The following LEPR variants were observed in gnomAD, a reference collection of about 807,000 sequenced individuals.
LEPR encodes the protein leptin receptor, also known as OB receptor.
LEPR carries 56 observed loss-of-function variants against 114.7 expected under a neutral mutation model. The ratio of observed to expected loss-of-function variants is 0.49; its 90% CI spans 0.39 to 0.61. LEPR has a LOEUF of 0.61. LEPR is among the 20% of genes least tolerant of loss of function. LEPR has a pLI of 0.00. For synonymous variants in LEPR, 443 were observed against 461.4 expected (o/e 0.96, Z 0.51); for missense variants, 1,202 against 1,352.9 (o/e 0.89, Z 1.75).
intron 7 of LEPR, 109 bp downstream of exon 7, chr1:65,596,702 G>A (rs1195166096): frequency 1.0e-5 from 10 of 975,442 alleles, no homozygotes; most frequent in Non-Finnish European, 1.5e-5. Flanking sequence ...TTCTTCTAAA[G>A]CAGAATGAAT....
At chr1:65,606,346 C>T (rs1326512451) in intron 11 of LEPR, among the ~76,000 whole-genome samples, 1 of 152,048 alleles carries the variant, frequency 6.6e-6, no homozygotes, top group Non-Finnish European at 1.5e-5. Context: ...ACAAATGAAG[C>T]CTGGATTCAG....
intron 2 of LEPR, among the ~76,000 whole-genome samples, chr1:65,500,341 T>C (rs1298722598): frequency 1.3e-5 from 2 of 152,162 alleles, no homozygotes; most frequent in African/African-American, 2.4e-5. Flanking sequence ...TTCCTCAATA[T>C]GTTCTGAAAT....
intron 2 of LEPR, among the ~76,000 whole-genome samples, chr1:65,458,165 A>G (rs777110421): frequency 3.5e-4 from 54 of 152,344 alleles, no homozygotes; most frequent in Non-Finnish European, 7.4e-4. Context: ...TGAGGGACAA[A>G]TTATGGTAAT....
intron 2 of LEPR, among the ~76,000 whole-genome samples, chr1:65,455,989 C>G (rs1441874756): frequency 6.6e-6 from 1 of 152,088 alleles, no homozygotes; most frequent in Admixed American, 6.6e-5. Flanking sequence ...TCCTGGTGCG[C>G]CATTTTTTAA....
At chr1:65,450,390 A>G (rs1178332831) in intron 2 of LEPR, among the ~76,000 whole-genome samples, 1 of 147,870 alleles carries the variant, frequency 6.8e-6, no homozygotes, top group Non-Finnish European at 1.5e-5. Context: ...CTCGTCATCT[A>G]GCATTAGGTA....
intron 2 of LEPR, among the ~76,000 whole-genome samples, chr1:65,545,380 A>G (rs1479238997): frequency 6.6e-6 from 1 of 152,062 alleles, no homozygotes; most frequent in Non-Finnish European, 1.5e-5. Flanking sequence ...AGGAATCGCC[A>G]CACTGACTTC....
intron 3 of LEPR, among the ~76,000 whole-genome samples, chr1:65,568,170 C>T (rs1219573907): frequency 2.0e-5 from 3 of 152,240 alleles, no homozygotes; most frequent in Non-Finnish European, 4.4e-5. Flanking sequence ...GTTGGAATAA[C>T]ATAGTATATA....
intron 2 of LEPR, chr1:65,526,128 G>A (rs1489167773): frequency 2.1e-6 from 2 of 963,988 alleles, no homozygotes; most frequent in Non-Finnish European, 2.4e-6. Flanking sequence ...CATGCCACCC[G>A]GCCAACTTCT....
chr1:65,471,494 T>G (rs546707000), intron 2 of LEPR, among the ~76,000 whole-genome samples: 2 of 152,318 alleles, frequency 1.3e-5, no homozygotes, highest in African/African-American at 4.8e-5. Context: ...TAATGAAACT[T>G]TGGCAGGTCT....
At chr1:65,525,576 C>A in intron 2 of LEPR, 2 of 957,766 alleles carry the variant, frequency 2.1e-6, no homozygotes, top group Non-Finnish European at 1.2e-6. Flanking sequence ...GCGGGGCGCA[C>A]GCGGGCGGCC....
chr1:65,636,077 G>T, intron 19 of LEPR, 114 bp from the exon 20 acceptor site: 1 of 1,194,766 alleles, frequency 8.4e-7, no homozygotes, highest in Admixed American at 1.9e-5. Flanking sequence ...GTTAATTTGT[G>T]GTTGACTTAT....
At chr1:65,618,497 A>ATT (rs1657673752) in intron 16 of LEPR, among the ~76,000 whole-genome samples, 2 of 151,038 alleles carry the variant, frequency 1.3e-5, no homozygotes, top group Non-Finnish European at 3.0e-5. Context: ...AGCTAATTAA[A>ATT]ATTTTTTTTT....
chr1:65,475,584 A>G (rs1647148777), intron 2 of LEPR, among the ~76,000 whole-genome samples: 1 of 151,970 alleles, frequency 6.6e-6, no homozygotes, highest in African/African-American at 2.4e-5. Flanking sequence ...ACTACTTTAA[A>G]ACATTCTAAT....
At chr1:65,603,430 T>C (rs1282577372) in intron 10 of LEPR, among the ~76,000 whole-genome samples, 1 of 152,048 alleles carries the variant, frequency 6.6e-6, no homozygotes, top group Admixed American at 6.6e-5. Context: ...AAATAGAAAA[T>C]GACAGAAGAA....
intron 2 of LEPR, among the ~76,000 whole-genome samples, chr1:65,459,331 A>G (rs1310682502): frequency 6.6e-6 from 1 of 152,048 alleles, no homozygotes; most frequent in East Asian, 1.9e-4. Flanking sequence ...AGGGTGCTGG[A>G]AAGACTAGCT....
intron 2 of LEPR, among the ~76,000 whole-genome samples, chr1:65,472,699 C>T (rs920119087): frequency 2.0e-5 from 3 of 151,880 alleles, no homozygotes; most frequent in African/African-American, 7.3e-5. Flanking sequence ...ACTTTCTCTT[C>T]AGAGCTGCTT....
intron 2 of LEPR, among the ~76,000 whole-genome samples, chr1:65,540,499 G>C (rs1157831563): frequency 6.6e-6 from 1 of 151,960 alleles, no homozygotes; most frequent in Non-Finnish European, 1.5e-5. Flanking sequence ...ACCCTCTCTT[G>C]CTCCCCCTTG....
intron 2 of LEPR, among the ~76,000 whole-genome samples, chr1:65,504,306 C>G (rs1471400727): frequency 6.6e-6 from 1 of 152,138 alleles, no homozygotes; most frequent in Non-Finnish European, 1.5e-5. Context: ...AAGCATGGAT[C>G]GTGCATAGTG....
At chr1:65,498,599 G>A (rs1433481506) in intron 2 of LEPR, among the ~76,000 whole-genome samples, 1 of 152,048 alleles carries the variant, frequency 6.6e-6, no homozygotes, top group African/African-American at 2.4e-5. Flanking sequence ...TTTTGCCATG[G>A]CAACAATAAG....
Sources: allele counts gnomAD v4.1 joint callset (sites outside exome capture counted in the v4.1 genomes callset), GRCh38; gene constraint gnomAD v4.1.1; transcripts MANE v1.5; gene names NCBI Gene and HGNC (gene_info 2026-07-23, HGNC 2026-07-21).